SOX5: variants seen among roughly 807,000 people sequenced by gnomAD.
SOX5 encodes the protein transcription factor SOX-5.
Under a neutral mutation model 92.0 loss-of-function variants are expected in SOX5, and 9 were observed. That is an observed-to-expected ratio of 0.10 (90% confidence interval 0.06 to 0.17). The LOEUF is 0.17. SOX5 is among the 10% of genes least tolerant of loss of function. The pLI is 1.00. For synonymous variants in SOX5, 344 were observed against 336.3 expected (o/e 1.02, Z -0.25); for missense variants, 642 against 944.5 (o/e 0.68, Z 4.20).
intron 1 of SOX5, among the ~76,000 whole-genome samples, chr12:24,397,148 A>C (rs922709648): frequency 2.0e-5 from 3 of 152,282 alleles, no homozygotes; most frequent in East Asian, 1.9e-4. Context: ...AATATCAGAA[A>C]AAGTCTTCTG....
chr12:23,891,957 CACT>C (rs1475694591), intron 2 of SOX5, among the ~76,000 whole-genome samples: 2 of 152,006 alleles, frequency 1.3e-5, no homozygotes, highest in Non-Finnish European at 2.9e-5. Context: ...TACTGTCCTT[CACT>C]ACTCTGCCTA....
At chr12:24,282,853 T>C (rs1595140509) in intron 2 of SOX5, among the ~76,000 whole-genome samples, 2 of 152,212 alleles carry the variant, frequency 1.3e-5, no homozygotes, top group East Asian at 3.9e-4. Context: ...CCATCCATTC[T>C]TTAAAAGCCA....
intron 3 of SOX5, among the ~76,000 whole-genome samples, chr12:24,222,179 G>A (rs2139809384): frequency 1.3e-5 from 2 of 152,286 alleles, no homozygotes; most frequent in East Asian, 3.9e-4. Flanking sequence ...CCAAGCACAT[G>A]GCAGGCCATT....
intron 3 of SOX5, among the ~76,000 whole-genome samples, chr12:24,235,581 A>C (rs1270550589): frequency 6.6e-6 from 1 of 152,228 alleles, no homozygotes. Flanking sequence ...TAATTATCAT[A>C]GCCAAATTCA....
At chr12:24,270,668 C>T (rs1228328750) in intron 3 of SOX5, among the ~76,000 whole-genome samples, 2 of 152,150 alleles carry the variant, frequency 1.3e-5, no homozygotes, top group African/African-American at 4.8e-5. Context: ...GCACCCTGAC[C>T]TCAACCTCTT....
intron 4 of SOX5, among the ~76,000 whole-genome samples, chr12:24,170,175 G>A (rs755518403): frequency 2.3e-5 from 3 of 132,462 alleles, no homozygotes; most frequent in Admixed American, 1.5e-4. Flanking sequence ...GTTTCACAGC[G>A]TTCAGGAGGA....
intron 4 of SOX5, among the ~76,000 whole-genome samples, chr12:23,971,549 T>A (rs1014993109): frequency 3.4e-5 from 5 of 147,974 alleles, no homozygotes; most frequent in South Asian, 2.2e-4. Flanking sequence ...ATATATATAT[T>A]AAATTAAATA....
intron 7 of SOX5, among the ~76,000 whole-genome samples, chr12:23,644,484 G>A (rs1211542873): frequency 6.6e-6 from 1 of 152,182 alleles, no homozygotes; most frequent in Admixed American, 6.5e-5. Context: ...TTTAACAAGA[G>A]CCCCAGATTA....
chr12:24,504,424 C>T (rs745328657), intron 1 of SOX5, among the ~76,000 whole-genome samples: 1 of 152,084 alleles, frequency 6.6e-6, no homozygotes, highest in Non-Finnish European at 1.5e-5. Context: ...TAAACCTATA[C>T]CTAATTCACC....
Position 23,968,213 on chromosome 12 carries a change from T to G in SOX5, c.-1-72189A>C, listed in dbSNP as rs150515836. Among the ~76,000 whole-genome samples the G allele has an allele frequency of 1.1e-4, 17 of 152,342 alleles. 1 individual carries two copies. The highest frequency in any genetic ancestry group is 7.2e-4 in the Admixed American group (11 of 15,298). On this transcript the variant is annotated intron_variant, in intron 4 of 4. Coordinates refer to the SOX5 transcript ENST00000446891. Reference sequence around the variant, plus strand: ...TTGTTATCACACAACCACCTTGCATTCACTTCTCAGTGAAATAAAGTATGG... The same window carrying G: ...TTGTTATCACACAACCACCTTGCATGCACTTCTCAGTGAAATAAAGTATGG...
Position 23,665,526 on chromosome 12 carries a change from G to A in SOX5, c.849C>T (p.Phe283=), listed in dbSNP as rs574199644. 1.9e-6 allele frequency: 3 copies of A among 1,613,322 alleles called. No homozygotes were observed. Among genetic ancestry groups the A allele is most frequent in the East Asian group, 2.2e-5 (1 of 44,854 alleles). ...GQLPPLMIPV[F]PPDQRTLAAA... ...CAGCCAGTGTCCGTTGATCAGGAGG[G>A]AATACGGGAATCATTAATGGCGGCA... Residue 283 remains phenylalanine, a synonymous_variant, in exon 7 of 15, where the codon TTC becomes TTT. Coordinates refer to ENST00000451604, the MANE Select transcript of SOX5 (RefSeq NM_006940.6).
intron 1 of SOX5, among the ~76,000 whole-genome samples, chr12:23,934,466 ATATATT>A (rs1467483399): frequency 6.7e-6 from 1 of 148,868 alleles, no homozygotes; most frequent in Non-Finnish European, 1.5e-5. Flanking sequence ...TATATGTATT[ATATATT>A]TATAATATAT....
intron 1 of SOX5, among the ~76,000 whole-genome samples, chr12:24,440,594 T>G (rs989650597): frequency 2.9e-5 from 4 of 139,732 alleles, no homozygotes; most frequent in African/African-American, 1.1e-4. Flanking sequence ...ACATGATCCT[T>G]TGTGTGTGTG....
chr12:23,919,994 C>T (rs973197741), intron 1 of SOX5: 2 of 152,104 alleles, frequency 1.3e-5, no homozygotes, highest in African/African-American at 2.4e-5. Context: ...CCAGAAAATC[C>T]TGTAAACAGG....
chr12:24,473,495 C>G (rs1170214334), intron 1 of SOX5, among the ~76,000 whole-genome samples: 5 of 152,210 alleles, frequency 3.3e-5, no homozygotes, highest in Non-Finnish European at 2.9e-5. Flanking sequence ...TAAGTTGACT[C>G]TGGTGTTTTC....
At chr12:23,949,295 G>GGA (rs143067474) in intron 1 of SOX5, among the ~76,000 whole-genome samples, 9 of 151,930 alleles carry the variant, frequency 5.9e-5, no homozygotes, top group Non-Finnish European at 1.2e-4. Flanking sequence ...AGCGAGTTGG[G>GGA]GAGAGAGAGA....
At chr12:24,038,819 TC>T (rs1356326720) in intron 4 of SOX5, among the ~76,000 whole-genome samples, 13 of 152,174 alleles carry the variant, frequency 8.5e-5, no homozygotes, top group Non-Finnish European at 2.9e-5. Context: ...TGCAATACTT[TC>T]ATCAATATTT....
At chr12:24,264,672 G>T (rs764203006) in intron 3 of SOX5, among the ~76,000 whole-genome samples, 2 of 152,180 alleles carry the variant, frequency 1.3e-5, no homozygotes, top group African/African-American at 4.8e-5. Flanking sequence ...TGGGGAAAAG[G>T]TGGAAATGCA....
chr12:23,991,952 G>A (rs1425137877), intron 4 of SOX5, among the ~76,000 whole-genome samples: 2 of 152,000 alleles, frequency 1.3e-5, no homozygotes, highest in Non-Finnish European at 2.9e-5. Flanking sequence ...TGAAAAGAAA[G>A]AAGCAATATG....
Sources: gnomAD v4.1 joint callset for allele counts (sites outside exome capture counted in the v4.1 genomes callset) on GRCh38, gnomAD v4.1.1 for gene constraint, MANE v1.5 for transcripts, NCBI Gene and HGNC (gene_info 2026-07-23, HGNC 2026-07-21) for gene names.